OSBPL8: variants seen among roughly 807,000 people sequenced by gnomAD.
OSBPL8 encodes the protein oxysterol binding protein like 8.
In OSBPL8, 59 loss-of-function variants were observed where a neutral mutation model predicts 125.5. That is an observed-to-expected ratio of 0.47 (90% CI 0.38 to 0.58). OSBPL8 has a LOEUF of 0.58. OSBPL8 is among the 20% of genes least tolerant of loss of function. OSBPL8 has a pLI of 0.00. For missense variants in OSBPL8, 758 were observed against 1,047.8 expected, an observed-to-expected ratio of 0.72 and a Z score of 3.82; for synonymous variants, 330 against 338.9, an observed-to-expected ratio of 0.97 and a Z score of 0.29.
At chr12:76,427,930 T>C (rs567759990) in intron 4 of OSBPL8, among the ~76,000 whole-genome samples, 1 of 152,128 alleles carries the variant, frequency 6.6e-6, no homozygotes, top group South Asian at 2.1e-4. Context: ...ATAGAAAATA[T>C]CAAAGTGCAT....
chr12:76,524,868 G>C (rs977062856), intron 1 of OSBPL8, among the ~76,000 whole-genome samples: 36 of 152,142 alleles, frequency 2.4e-4, no homozygotes, highest in Middle Eastern at 3.4e-3. Flanking sequence ...ATTTTTAGTA[G>C]AGACGGGGTA....
intron 1 of OSBPL8, among the ~76,000 whole-genome samples, chr12:76,500,939 G>A (rs1307690263): frequency 1.3e-5 from 2 of 152,170 alleles, no homozygotes; most frequent in Non-Finnish European, 2.9e-5. Context: ...AAGCAGTTCA[G>A]TTACTACTGT....
At chr12:76,540,740 A>G (rs1950619929) in intron 1 of OSBPL8, among the ~76,000 whole-genome samples, 1 of 151,910 alleles carries the variant, frequency 6.6e-6, no homozygotes, top group Non-Finnish European at 1.5e-5. Context: ...TTATCCCAAA[A>G]TGGCTTAAGT....
rs547210488 is a variant in OSBPL8, at chr12:76,422,771, C to T, written c.218-12137G>A. The T allele has an allele frequency of 9.6e-4, 327 of 340,996 alleles. 1 individual carries two copies. Among genetic ancestry groups the T allele is most frequent in the African/African-American group, 6.6e-3 (311 of 47,370 alleles). The allele number at this position is 340,996 out of a possible 1,614,324, so 21.1% of individuals were successfully genotyped here. A position where few individuals can be genotyped will look rare whatever the true frequency, so the allele number is the denominator to read the frequency against. On this transcript the variant is annotated intron_variant, in intron 4 of 23. Transcript: ENST00000261183. Reference sequence around the variant, plus strand: ...AAAACCCACCAGCACAAACAAAGAACACACACATTTAACAGCAAAGGAGAA... The same window carrying T: ...AAAACCCACCAGCACAAACAAAGAATACACACATTTAACAGCAAAGGAGAA...
chr12:76,542,728 A>G (rs1950680843), intron 1 of OSBPL8, among the ~76,000 whole-genome samples: 1 of 152,162 alleles, frequency 6.6e-6, no homozygotes, highest in African/African-American at 2.4e-5. Context: ...TCTAAACCTG[A>G]CCATTTCACT....
chr12:76,422,184 A>G (rs556468388), intron 4 of OSBPL8, among the ~76,000 whole-genome samples: 12 of 152,138 alleles, frequency 7.9e-5, no homozygotes, highest in African/African-American at 1.7e-4. Flanking sequence ...CAATGTGTTT[A>G]TTTATATAAT....
intron 1 of OSBPL8, among the ~76,000 whole-genome samples, chr12:76,491,580 T>A (rs1369600193): frequency 6.6e-6 from 1 of 152,226 alleles, no homozygotes; most frequent in Non-Finnish European, 1.5e-5. Context: ...TTATATAAAC[T>A]TTCCTTGACT....
Position 76,392,569 on chromosome 12 carries a change from G to A in OSBPL8, c.929+12C>T, listed in dbSNP as rs4761423. On this transcript the variant is annotated intron_variant, in intron 10 of 23. Transcript: ENST00000261183. ...CTGAAACATTACCAACTCAGCGGCA[G>A]TATCTACTTACTGGAAGTTATCACC... The A allele has an allele frequency of 0.76, 1,209,795 of 1,593,430 alleles. 462,566 individuals carry two copies. Among genetic ancestry groups the A allele is most frequent in the East Asian group, 0.92 (41,070 of 44,506 alleles).
intron 1 of OSBPL8, among the ~76,000 whole-genome samples, chr12:76,517,025 C>T (rs1002407951): frequency 2.0e-5 from 3 of 151,836 alleles, no homozygotes; most frequent in Non-Finnish European, 4.4e-5. Context: ...TGTTAGCCAG[C>T]CTGGTCTCGA....
intron 21 of OSBPL8, chr12:76,366,594 T>C (rs1414847109): frequency 4.4e-6 from 2 of 449,704 alleles, no homozygotes; most frequent in East Asian, 7.0e-5. Context: ...TGGGTTTAGT[T>C]TTTTCTTCTT....
intron 1 of OSBPL8, among the ~76,000 whole-genome samples, chr12:76,489,165 G>A (rs767313150): frequency 6.6e-6 from 1 of 152,182 alleles, no homozygotes; most frequent in Non-Finnish European, 1.5e-5. Flanking sequence ...GGTTCATGAG[G>A]TTTAAGGAAA....
intron 3 of OSBPL8, among the ~76,000 whole-genome samples, chr12:76,457,191 T>C (rs574242885): frequency 7.2e-5 from 11 of 152,324 alleles, no homozygotes; most frequent in Admixed American, 2.0e-4. Flanking sequence ...CCTGAGCTCA[T>C]AGTAATAACA....
At chr12:76,521,948 T>C (rs1182189657) in intron 1 of OSBPL8, among the ~76,000 whole-genome samples, 1 of 152,190 alleles carries the variant, frequency 6.6e-6, no homozygotes, top group Non-Finnish European at 1.5e-5. Context: ...TGATTTAAGA[T>C]GATTTATTTT....
intron 2 of OSBPL8, among the ~76,000 whole-genome samples, chr12:76,482,470 G>A (rs551394743): frequency 1.2e-4 from 19 of 152,100 alleles, no homozygotes; most frequent in South Asian, 4.1e-4. Flanking sequence ...AAAATTAGCC[G>A]GGCGTGGTGG....
Position 76,487,572 on chromosome 12 carries a change from T to C in OSBPL8, c.-21A>G. On this transcript the variant is annotated 5_prime_UTR_variant, in exon 2 of 24. Coordinates refer to ENST00000261183, the MANE Select transcript of OSBPL8 (RefSeq NM_020841.5). ...TCCATAATGAAAGAAGATAGGTTTA[T>C]GCTTCTCTTTCCATTAATGTGCAGC... 1.3e-6 allele frequency: 2 copies of C among 1,580,938 alleles called. No individual in the cohort carries two copies. The highest frequency in any genetic ancestry group is 1.7e-4 in the Middle Eastern group (1 of 5,928).
At chr12:76,364,660 A>T (rs189886603) in intron 21 of OSBPL8, among the ~76,000 whole-genome samples, 189 of 152,268 alleles carry the variant, frequency 1.2e-3, no homozygotes, top group African/African-American at 4.1e-3. Context: ...TAAAATAAAT[A>T]AATTAATTAA....
chr12:76,455,524 C>T (rs756503133), intron 3 of OSBPL8, among the ~76,000 whole-genome samples: 2 of 152,170 alleles, frequency 1.3e-5, no homozygotes, highest in Admixed American at 1.3e-4. Flanking sequence ...GCTCTATTCA[C>T]CCTTTCTAAT....
chr12:76,371,512 T>C lies in OSBPL8; in HGVS notation c.1990A>G (p.Lys664Glu), dbSNP rs1437085336. The C allele has an allele frequency of 6.2e-7, 1 of 1,611,410 alleles. No individual in the cohort carries two copies. Among genetic ancestry groups the C allele is most frequent in the Non-Finnish European group, 8.5e-7 (1 of 1,178,764 alleles). ...EVFWNPTPDI[K>E]QWRLIRHTVK... ...GTGTGCCTTATTAATCTCCATTGCT[T>C]AATGTCAGGTGTTGGATTCCAGAAA... Residue 664 changes from lysine to glutamate, a missense_variant, in exon 19 of 24, where the codon AAG (lysine) becomes GAG (glutamate). This residue lies in a region of OSBPL8 where 572 missense variants were observed against 762.0 expected (regional missense o/e 0.75). Coordinates refer to ENST00000261183, the MANE Select transcript of OSBPL8 (RefSeq NM_020841.5).
intron 9 of OSBPL8, 57 bp downstream of exon 9, chr12:76,394,588 T>C (rs1316915012): frequency 2.4e-6 from 3 of 1,239,128 alleles, no homozygotes; most frequent in Non-Finnish European, 3.5e-6. Context: ...CAAAGTGGCA[T>C]TAAAAAAACT....
Sources: allele counts gnomAD v4.1 joint callset (sites outside exome capture counted in the v4.1 genomes callset), GRCh38; gene constraint gnomAD v4.1.1; regional missense constraint gnomAD v4.1.1; transcripts MANE v1.5; gene names NCBI Gene and HGNC (gene_info 2026-07-23, HGNC 2026-07-21).